TRAPPC12: variants seen among roughly 807,000 people sequenced by gnomAD.
TRAPPC12 encodes TPR repeat protein 15.
TRAPPC12 carries 61 observed loss-of-function variants against 69.2 expected under a neutral mutation model. The ratio of observed to expected loss-of-function variants is 0.88; its 90% CI spans 0.72 to 1.09. TRAPPC12 has a LOEUF of 1.09. TRAPPC12 is among the 50% of genes least tolerant of loss of function. TRAPPC12 has a pLI of 0.00. For synonymous variants in TRAPPC12, 469 were observed against 438.9 expected (o/e 1.07, Z -0.86); for missense variants, 1,101 against 1,016.4 (o/e 1.08, Z -1.13).
chr2:3,474,588 T>C (rs548617939), intron 9 of TRAPPC12, among the ~76,000 whole-genome samples: 2 of 152,362 alleles, frequency 1.3e-5, no homozygotes, highest in African/African-American at 4.8e-5. Context: ...TGACCATGTG[T>C]TGCTCTTAAG....
chr2:3,477,679 A>C lies in TRAPPC12; in HGVS notation c.1777-16A>C, dbSNP rs1666352648. 6.4e-7 allele frequency: 1 copy of C among 1,562,714 alleles called. No homozygotes were observed. Among genetic ancestry groups the C allele is most frequent in the African/African-American group, 1.4e-5 (1 of 72,926 alleles). ...TTTCTTTTGTCAACTAAACTGACTA[A>C]ATTTTGTCAAAGCAGATTGGAGACA... On this transcript the variant is annotated splice_polypyrimidine_tract_variant and intron_variant, in intron 9 of 11. Transcript: ENST00000324266.
At chr2:3,418,919 T>C (rs982062245) in intron 3 of TRAPPC12, among the ~76,000 whole-genome samples, 3 of 151,996 alleles carry the variant, frequency 2.0e-5, no homozygotes, top group African/African-American at 7.3e-5. Context: ...TGCCACCCCA[T>C]CCTCACCTGC....
intron 1 of TRAPPC12, among the ~76,000 whole-genome samples, chr2:3,381,349 A>T (rs1447612433): frequency 6.6e-6 from 1 of 152,212 alleles, no homozygotes; most frequent in African/African-American, 2.4e-5. Flanking sequence ...CAGGAAATGA[A>T]CCTGAGAAAC....
At chr2:3,447,108 T>A (rs1462471783) in intron 6 of TRAPPC12, among the ~76,000 whole-genome samples, 2 of 152,108 alleles carry the variant, frequency 1.3e-5, no homozygotes, top group Non-Finnish European at 2.9e-5. Flanking sequence ...GAAGCTTTTT[T>A]TTTTTTTCTT....
At chr2:3,418,472 G>C (rs1662577808) in intron 3 of TRAPPC12, among the ~76,000 whole-genome samples, 1 of 152,164 alleles carries the variant, frequency 6.6e-6, no homozygotes, top group Non-Finnish European at 1.5e-5. Flanking sequence ...ACTGAGCCAC[G>C]AGGGGCCTAG....
intron 9 of TRAPPC12, among the ~76,000 whole-genome samples, chr2:3,471,441 C>T (rs1175407670): frequency 6.6e-6 from 1 of 152,190 alleles, no homozygotes; most frequent in African/African-American, 2.4e-5. Context: ...AGGTGACAGC[C>T]GTGTTTCAAA....
chr2:3,399,937 A>G (rs7584720), intron 2 of TRAPPC12, among the ~76,000 whole-genome samples: 92,197 of 151,880 alleles, frequency 0.61, 28,549 homozygotes, highest in African/African-American at 0.73. Flanking sequence ...GCGTGCTCCC[A>G]GTGGCCCGCC....
intron 5 of TRAPPC12, among the ~76,000 whole-genome samples, chr2:3,433,443 G>T (rs983677257): frequency 1.3e-5 from 2 of 152,220 alleles, no homozygotes; most frequent in Non-Finnish European, 2.9e-5. Flanking sequence ...TGTCACACCT[G>T]CTGCGGCCTC....
intron 1 of TRAPPC12, among the ~76,000 whole-genome samples, chr2:3,383,612 G>T (rs757424106): frequency 6.6e-6 from 1 of 151,386 alleles, no homozygotes; most frequent in Non-Finnish European, 1.5e-5. Flanking sequence ...TTACCATGTC[G>T]GCCAGGCTCA....
chr2:3,464,958 C>G (rs565213622), intron 8 of TRAPPC12, among the ~76,000 whole-genome samples: 34 of 152,346 alleles, frequency 2.2e-4, no homozygotes, highest in African/African-American at 8.2e-4. Flanking sequence ...AAACCAGATG[C>G]CCTGAGCACG....
chr2:3,397,115 A>AT (rs1558347669), intron 2 of TRAPPC12, among the ~76,000 whole-genome samples: 1 of 152,120 alleles, frequency 6.6e-6, no homozygotes, highest in Non-Finnish European at 1.5e-5. Flanking sequence ...ATGTCTAGTA[A>AT]TTTTTTATTA....
chr2:3,422,291 C>A (rs1662854166), intron 4 of TRAPPC12, among the ~76,000 whole-genome samples: 1 of 152,118 alleles, frequency 6.6e-6, no homozygotes, highest in African/African-American at 2.4e-5. Flanking sequence ...TAGCAACTGG[C>A]CTGTGCGGGG....
intron 6 of TRAPPC12, chr2:3,456,450 G>A (rs963022113): frequency 2.0e-5 from 3 of 152,286 alleles, no homozygotes; most frequent in African/African-American, 4.8e-5. Flanking sequence ...TAAAAAGCAA[G>A]TGGTAAAACC....
rs573236665 is a variant in TRAPPC12 at position 3,430,979 on chromosome 2, T to C, written c.1417+6316T>C. Among the ~76,000 whole-genome samples the C allele has an allele frequency of 3.9e-5, 6 of 152,338 alleles. No individual in the cohort carries two copies. In the East Asian group the frequency reaches 1.2e-3, roughly 29 times the overall value. ...CCATCCACTGGGTGTGAAGGAGCTC[T>C]GCACGCTGTTGCTGGGACCGTCCGC... On this transcript the variant is annotated intron_variant, in intron 5 of 11. Coordinates refer to ENST00000324266, the MANE Select transcript of TRAPPC12 (RefSeq NM_016030.6).
At chr2:3,460,150 G>A (rs955897689) in intron 7 of TRAPPC12, 113 bp from the exon 8 acceptor site, 8 of 782,046 alleles carry the variant, frequency 1.0e-5, no homozygotes, top group African/African-American at 1.0e-4. Flanking sequence ...ATCCAGTGGT[G>A]TTAACAAGAG....
intron 8 of TRAPPC12, among the ~76,000 whole-genome samples, chr2:3,464,824 C>T (rs372053959): frequency 6.0e-4 from 92 of 152,324 alleles, no homozygotes; most frequent in African/African-American, 2.1e-3. Context: ...TGTGATGGGC[C>T]GGCATGAGTG....
In TRAPPC12 at chr2:3,415,120, C is replaced by T. The variant is rs150277715; in HGVS notation, c.1165-6761C>T. 2.8e-3 allele frequency among the ~76,000 whole-genome samples: 419 copies of T among 152,320 alleles called. 1 individual carries two copies. Among genetic ancestry groups the T allele is most frequent in the Middle Eastern group, 0.017 (5 of 294 alleles). ...TTATGCATATGTGTGTATGTACAGA[C>T]AGTCCCCAACCTCCGTGGTTTGACT... On this transcript the variant is annotated intron_variant, in intron 3 of 11. Coordinates refer to ENST00000324266, the MANE Select transcript of TRAPPC12 (RefSeq NM_016030.6).
At chr2:3,384,728 T>C (rs1660415970) in intron 1 of TRAPPC12, among the ~76,000 whole-genome samples, 1 of 152,240 alleles carries the variant, frequency 6.6e-6, no homozygotes, top group Non-Finnish European at 1.5e-5. Context: ...CCTTTTAGTA[T>C]GGCCTTGTCA....
intron 5 of TRAPPC12, among the ~76,000 whole-genome samples, chr2:3,427,628 C>G (rs1663183375): frequency 6.6e-6 from 1 of 152,238 alleles, no homozygotes; most frequent in Admixed American, 6.5e-5. Context: ...TGGCTAATGC[C>G]TGTAATCCCA....
Sources: allele counts gnomAD v4.1 joint callset (sites outside exome capture counted in the v4.1 genomes callset), GRCh38; gene constraint gnomAD v4.1.1; transcripts MANE v1.5; gene names NCBI Gene and HGNC (gene_info 2026-07-23, HGNC 2026-07-21).